Variants in TIPRL observed in about 807,000 individuals in gnomAD.
The protein encoded by TIPRL is TOR signaling pathway regulator.
Under a neutral mutation model 32.3 loss-of-function variants are expected in TIPRL, and 10 were observed. The observed-to-expected ratio is 0.31, with a 90% CI of 0.19 to 0.52. The LOEUF (loss-of-function observed/expected upper bound fraction) is 0.52. TIPRL is among the 20% of genes least tolerant of loss of function. The probability of loss-of-function intolerance (pLI) is 0.96; values close to 1 mark genes in which losing one functional copy is unlikely to be tolerated. For synonymous variants in TIPRL, 100 were observed against 114.0 expected (o/e 0.88, Z 0.78); for missense variants, 250 against 328.1 (o/e 0.76, Z 1.84).
At chr1:168,189,866 C>A (rs957282592) in intron 3 of TIPRL, among the ~76,000 whole-genome samples, 1 of 152,014 alleles carries the variant, frequency 6.6e-6, no homozygotes, top group South Asian at 2.1e-4. Flanking sequence ...AGAACAAGTA[C>A]GTAAATGGAA....
At position 168,183,894 on chromosome 1, in the gene TIPRL, A is replaced by T. The variant is rs762863876; in HGVS notation, c.105-8A>T. 5.0e-6 allele frequency: 8 copies of T among 1,605,120 alleles called. No individual in the cohort carries two copies. The South Asian group carries it at 8.8e-5, about 18-fold the overall frequency. ...AAATTATCTCACCCGACTTTTGGTT[A>T]CGTATAGATTAGCCGATGAATTACA... is the stretch of plus-strand genomic sequence containing the variant. On this transcript the variant is annotated splice_polypyrimidine_tract_variant and splice_region_variant and intron_variant, in intron 1 of 6. Transcript: ENST00000367833.
At position 168,184,872 on chromosome 1, in the gene TIPRL, G is replaced by A. The variant is rs1294382761; in HGVS notation, c.378G>A (p.Lys126=). Residue 126 remains lysine (K), a synonymous_variant, in exon 3 of 7, where the codon AAG becomes AAA. Coordinates refer to ENST00000367833, the MANE Select transcript of TIPRL (RefSeq NM_152902.5). ...YKGTLLGESL[K]LKVVPTTDHI... ...GAACCTTACTTGGAGAATCTCTTAAGTTAAAGGTAAATCTTACTTTTTTCT... is the reference window on the plus strand; with the variant it reads ...GAACCTTACTTGGAGAATCTCTTAAATTAAAGGTAAATCTTACTTTTTTCT... 1.3e-6 allele frequency: 2 copies of A among 1,596,278 alleles called. No homozygotes were observed. The highest frequency in any genetic ancestry group is 3.4e-5 in the Admixed American group (2 of 59,626).
chr1:168,189,093 G>A (rs772825781), intron 3 of TIPRL, among the ~76,000 whole-genome samples: 1 of 152,226 alleles, frequency 6.6e-6, no homozygotes, highest in East Asian at 1.9e-4. Context: ...GCACTGAGCA[G>A]TGATGGCACC....
At chr1:168,194,606 T>G (rs1304666915) in intron 4 of TIPRL, among the ~76,000 whole-genome samples, 2 of 152,252 alleles carry the variant, frequency 1.3e-5, no homozygotes, top group Admixed American at 1.3e-4. Context: ...AATAATGATG[T>G]GCTTCTCAAT....
At chr1:168,181,645 C>T (rs1259884881) in intron 1 of TIPRL, among the ~76,000 whole-genome samples, 1 of 151,706 alleles carries the variant, frequency 6.6e-6, no homozygotes, top group African/African-American at 2.4e-5. Flanking sequence ...AAGCAGTCAG[C>T]TTCAAACTGG....
rs1558160863 is a variant in TIPRL, at chr1:168,179,199, G to C, written c.104+18G>C. The C allele has an allele frequency of 6.2e-7, 1 of 1,612,062 alleles. No homozygotes were observed. Among genetic ancestry groups the C allele is most frequent in the East Asian group, 2.2e-5 (1 of 44,810 alleles). On this transcript the variant is annotated intron_variant, in intron 1 of 6. Transcript: ENST00000367833. ...GTGGAGAAGTGAGGCTTCGGGGCAC[G>C]GGGTCTGGGCGCTGGCCGGTTGCTG...
chr1:168,186,453 G>A (rs766951035), intron 3 of TIPRL, among the ~76,000 whole-genome samples: 33 of 151,520 alleles, frequency 2.2e-4, no homozygotes, highest in Non-Finnish European at 3.8e-4. Context: ...CCGAGATCAC[G>A]CCACTGCACT....
At position 168,180,820 on chromosome 1, in the gene TIPRL, C is replaced by CT. The variant is rs71118909; in HGVS notation, c.104+1654dup. Among the ~76,000 whole-genome samples the CT allele has an allele frequency of 7.3e-3, 902 of 124,142 alleles. 5 individuals are homozygous for CT. The highest frequency in any genetic ancestry group is 0.02 in the East Asian group (81 of 4,080). The allele number at this position is 124,142 out of a possible 152,430, so 81.4% of individuals were successfully genotyped here. A position where few individuals can be genotyped will look rare whatever the true frequency, so the allele number is the denominator to read the frequency against. ...TCTTTCTTTTCTTTTTTTTTTATAA[C>CT]TTTTTTTTTTTTTTTGTATTTTTAG... On this transcript the variant is annotated intron_variant, in intron 1 of 6. Coordinates refer to ENST00000367833, the MANE Select transcript of TIPRL (RefSeq NM_152902.5).
chr1:168,183,836 T>C, intron 1 of TIPRL, 66 bp from the exon 2 acceptor site: 3 of 1,526,984 alleles, frequency 2.0e-6, no homozygotes, highest in East Asian at 2.3e-5. Context: ...TCTGTTGGGA[T>C]GGAAAAGAAA....
At position 168,198,951 on chromosome 1, in the gene TIPRL, G is replaced by A. The variant is rs755900308; in HGVS notation, c.645G>A (p.Thr215=). The change falls in exon 6 of 7, where the codon ACG becomes ACA. Residue 215 remains threonine (T), a synonymous_variant. Coordinates refer to ENST00000367833, the MANE Select transcript of TIPRL (RefSeq NM_152902.5). ...ADKTYMLREY[T]SRESKISSLM... ...AGACCTACATGTTACGAGAATATAC[G>A]TCACGAGAAAGCAAAATTTCTAGTT... 21 of 1,611,888 alleles carry A rather than the reference G, an allele frequency of 1.3e-5. No homozygotes were observed. Among genetic ancestry groups the A allele is most frequent in the East Asian group, 2.2e-5 (1 of 44,802 alleles).
At chr1:168,186,127 G>A (rs1394823352) in intron 3 of TIPRL, among the ~76,000 whole-genome samples, 2 of 146,392 alleles carry the variant, frequency 1.4e-5, no homozygotes, top group South Asian at 2.3e-4. Flanking sequence ...GGTAAATAAC[G>A]CTAGGAAGAT....
chr1:168,191,309 G>A, intron 3 of TIPRL, 60 bp from the exon 4 acceptor site: 2 of 1,432,128 alleles, frequency 1.4e-6, no homozygotes, highest in Non-Finnish European at 1.9e-6. Context: ...GCTTTCCTGT[G>A]TCTCTGTAGC....
intron 6 of TIPRL, among the ~76,000 whole-genome samples, chr1:168,199,547 C>T (rs1425114782): frequency 6.6e-6 from 1 of 152,080 alleles, no homozygotes; most frequent in Non-Finnish European, 1.5e-5. Context: ...ATACTTGGAA[C>T]AGAAAAGTTA....
chr1:168,182,621 G>A lies in TIPRL; in HGVS notation c.105-1281G>A, dbSNP rs531302978. On this transcript the variant is annotated intron_variant, in intron 1 of 6. Coordinates refer to ENST00000367833, the MANE Select transcript of TIPRL (RefSeq NM_152902.5). ...AACCTGGGCAACAGAGCGAGACTCC[G>A]TCTCAAAAAAAAAAGAGGGCATTTT... Among the ~76,000 whole-genome samples, 13 of 151,514 alleles carry A rather than the reference G, an allele frequency of 8.6e-5. No individual in the cohort carries two copies. In the South Asian group the frequency reaches 1.7e-3, roughly 19 times the overall value.
chr1:168,181,624 T>C (rs1279973640), intron 1 of TIPRL, among the ~76,000 whole-genome samples: 4 of 150,882 alleles, frequency 2.7e-5, no homozygotes, highest in Admixed American at 6.6e-5. Flanking sequence ...TATATAATTA[T>C]ATTATATATA....
chr1:168,197,186 G>A (rs1469332033), intron 5 of TIPRL, among the ~76,000 whole-genome samples: 3 of 151,972 alleles, frequency 2.0e-5, no homozygotes, highest in African/African-American at 4.8e-5. Context: ...ATGGTGGCAC[G>A]GACTTGTAGT....
intron 4 of TIPRL, 114 bp from the exon 5 acceptor site, chr1:168,196,433 T>G (rs1700153390): frequency 1.7e-6 from 1 of 603,514 alleles, no homozygotes; most frequent in African/African-American, 1.9e-5. Flanking sequence ...AACTGTGAAT[T>G]CAGCCTTATT....
chr1:168,196,631 CT>C lies in TIPRL; in HGVS notation c.604del (p.Tyr202ThrfsTer23). On this transcript the variant is annotated frameshift_variant, in exon 5 of 7. Coordinates refer to ENST00000367833, the MANE Select transcript of TIPRL (RefSeq NM_152902.5). LOFTEE classifies it high-confidence loss of function. ...GCTTATCAGAATGAATGACACGAGACTTTACCATGAGGTATTTATTGTTGTT... is the reference window on the plus strand; with the variant it reads ...GCTTATCAGAATGAATGACACGAGACTTACCATGAGGTATTTATTGTTGTT... ...GVLIRMNDTRLYHEADKTYML... is the reference protein window; with the variant it reads ...GVLIRMNDTRXYHEADKTYML... 6.3e-7 allele frequency: 1 copy of C among 1,595,958 alleles called. No individual in the cohort carries two copies. Among genetic ancestry groups the C allele is most frequent in the Non-Finnish European group, 8.5e-7 (1 of 1,171,458 alleles).
At chr1:168,194,552 G>T (rs1464840824) in intron 4 of TIPRL, among the ~76,000 whole-genome samples, 1 of 152,188 alleles carries the variant, frequency 6.6e-6, no homozygotes, top group Non-Finnish European at 1.5e-5. Context: ...TTGCAAGTCA[G>T]TTTTTCCATA....
Sources: allele counts gnomAD v4.1 joint callset (sites outside exome capture counted in the v4.1 genomes callset), GRCh38; gene constraint gnomAD v4.1.1; transcripts MANE v1.5; gene names NCBI Gene and HGNC (gene_info 2026-07-23, HGNC 2026-07-21).